Variants in MCTP1 observed in about 807,000 individuals in gnomAD.
The protein encoded by MCTP1 is multiple C2 and transmembrane domain-containing protein 1.
Under a neutral mutation model 120.6 loss-of-function variants are expected in MCTP1, and 69 were observed. That is an observed-to-expected ratio of 0.57 (90% CI 0.47 to 0.70). MCTP1 has a LOEUF of 0.70. MCTP1 is among the 30% of genes least tolerant of loss of function. The pLI, the probability that MCTP1 is intolerant of heterozygous loss-of-function variation, is 0.00. For missense variants in MCTP1, 1,203 were observed against 1,248.8 expected, an observed-to-expected ratio of 0.96 and a Z score of 0.55; for synonymous variants, 529 against 493.1, an observed-to-expected ratio of 1.07 and a Z score of -0.96.
chr5:95,094,827 G>T (rs1756105146), intron 1 of MCTP1, among the ~76,000 whole-genome samples: 1 of 151,764 alleles, frequency 6.6e-6, no homozygotes, highest in Non-Finnish European at 1.5e-5. Flanking sequence ...AGAATTTCAA[G>T]ATTTTCTGTT....
intron 2 of MCTP1, among the ~76,000 whole-genome samples, chr5:94,998,288 C>T (rs1832991634): frequency 6.6e-6 from 1 of 152,094 alleles, no homozygotes; most frequent in African/African-American, 2.4e-5. Flanking sequence ...AACATTGTAT[C>T]CCTGGCTAAC....
At chr5:94,721,281 T>C (rs1760825520) in intron 19 of MCTP1, among the ~76,000 whole-genome samples, 1 of 152,020 alleles carries the variant, frequency 6.6e-6, no homozygotes, top group Non-Finnish European at 1.5e-5. Context: ...TAAATGCAGG[T>C]AAGCAAATAT....
chr5:95,251,212 G>A (rs931759743), intron 1 of MCTP1, among the ~76,000 whole-genome samples: 2 of 152,108 alleles, frequency 1.3e-5, no homozygotes, highest in Admixed American at 1.3e-4. Context: ...CAATAGAAAG[G>A]GGCCAGCAAT....
intron 1 of MCTP1, among the ~76,000 whole-genome samples, chr5:95,267,029 C>T (rs142679945): frequency 3.3e-4 from 51 of 152,268 alleles, no homozygotes; most frequent in African/African-American, 1.2e-3. Context: ...GAGAACATTG[C>T]TGCAAATCTG....
At chr5:95,147,175 C>G (rs1380803867) in intron 1 of MCTP1, among the ~76,000 whole-genome samples, 4 of 152,148 alleles carry the variant, frequency 2.6e-5, no homozygotes, top group African/African-American at 9.7e-5. Context: ...CCAGCTCCGC[C>G]TCCTGGGTTC....
intron 1 of MCTP1, among the ~76,000 whole-genome samples, chr5:95,046,344 A>G (rs1843141706): frequency 6.6e-6 from 1 of 152,202 alleles, no homozygotes; most frequent in Admixed American, 6.5e-5. Flanking sequence ...TGAAATCTGT[A>G]TCAGCTCTAA....
intron 19 of MCTP1, 144 bp from the exon 20 acceptor site, chr5:94,715,030 A>G (rs1758567982): frequency 1.7e-6 from 1 of 591,196 alleles, no homozygotes; most frequent in South Asian, 2.1e-5. Context: ...GAACCCATGA[A>G]AATATCAGGA....
chr5:95,272,027 A>T (rs1348154726), intron 1 of MCTP1, among the ~76,000 whole-genome samples: 1 of 152,144 alleles, frequency 6.6e-6, no homozygotes, highest in Non-Finnish European at 1.5e-5. Context: ...CTTTATTACT[A>T]TTAAAGTGGA....
At chr5:94,967,427 G>T (rs1403009658) in intron 2 of MCTP1, among the ~76,000 whole-genome samples, 1 of 152,168 alleles carries the variant, frequency 6.6e-6, no homozygotes, top group Non-Finnish European at 1.5e-5. Flanking sequence ...TGAAATAAGG[G>T]AGTAAATTCC....
Position 95,081,563 on chromosome 5 carries a change from G to A in MCTP1, c.721-64079C>T, listed in dbSNP as rs1044273715. 2.0e-5 allele frequency: 30 copies of A among 1,514,984 alleles called. No homozygotes were observed. In the African/African-American group the frequency reaches 2.9e-4, roughly 15 times the overall value. 93.8% of individuals were successfully genotyped at this position (1,514,984 alleles called of 1,614,324 possible). On this transcript the variant is annotated intron_variant, in intron 1 of 22. Coordinates refer to ENST00000515393, the MANE Select transcript of MCTP1 (RefSeq NM_024717.7). ...AGACTTGCTTTCTTCACTGAATACC[G>A]GCAAAAGAGGCTGTTCACCTCCAAG...
chr5:94,726,699 C>T (rs1449073670), intron 19 of MCTP1, among the ~76,000 whole-genome samples: 2 of 151,944 alleles, frequency 1.3e-5, no homozygotes, highest in South Asian at 2.1e-4. Context: ...CATATGGTTC[C>T]TCCATTTTAC....
Position 94,979,792 on chromosome 5 carries a change from C to T in MCTP1, c.839-26431G>A, listed in dbSNP as rs113501313. Reference sequence around the variant, plus strand: ...AGAGCCCCACCCTCCAACACGGACACATATTAAACCATAATAAGAGCAAGA... The same window carrying T: ...AGAGCCCCACCCTCCAACACGGACATATATTAAACCATAATAAGAGCAAGA... On this transcript the variant is annotated intron_variant, in intron 2 of 22. Coordinates refer to ENST00000515393, the MANE Select transcript of MCTP1 (RefSeq NM_024717.7). Among the ~76,000 whole-genome samples, 1,004 of 152,070 alleles carry T rather than the reference C, an allele frequency of 6.6e-3. 6 individuals carry two copies. The highest frequency in any genetic ancestry group is 0.012 in the Non-Finnish European group (824 of 67,978).
chr5:94,873,361 A>T, intron 12 of MCTP1, 120 bp from the exon 13 acceptor site: 1 of 528,374 alleles, frequency 1.9e-6, no homozygotes, highest in Admixed American at 3.7e-5. Flanking sequence ...GTGAAGTACA[A>T]TTTTAAAAAT....
At chr5:94,853,861 G>T (rs900071369) in intron 17 of MCTP1, among the ~76,000 whole-genome samples, 1 of 151,766 alleles carries the variant, frequency 6.6e-6, no homozygotes, top group African/African-American at 2.4e-5. Flanking sequence ...CCTTATTCCC[G>T]CCTCTGGATA....
At chr5:95,215,875 T>C (rs979166837) in intron 1 of MCTP1, among the ~76,000 whole-genome samples, 1 of 152,146 alleles carries the variant, frequency 6.6e-6, no homozygotes, top group Non-Finnish European at 1.5e-5. Context: ...ACAGACACTT[T>C]GACTAACATT....
intron 17 of MCTP1, among the ~76,000 whole-genome samples, chr5:94,806,509 G>A (rs1431881370): frequency 6.6e-6 from 1 of 152,180 alleles, no homozygotes; most frequent in African/African-American, 2.4e-5. Flanking sequence ...GGTTTTATGA[G>A]TCTCAGGCAG....
chr5:95,169,031 G>C (rs903561334), intron 1 of MCTP1, among the ~76,000 whole-genome samples: 1 of 151,976 alleles, frequency 6.6e-6, no homozygotes, highest in Admixed American at 6.6e-5. Context: ...ATTGGCTGTG[G>C]GTTTGTCATA....
In MCTP1 at chr5:95,181,853, C is replaced by G. The variant is rs536426538; in HGVS notation, c.720+102003G>C. Among the ~76,000 whole-genome samples, 3 of 152,280 alleles carry G rather than the reference C, an allele frequency of 2.0e-5. 1 individual carries two copies. In the South Asian group the frequency reaches 6.2e-4, roughly 32 times the overall value. On this transcript the variant is annotated intron_variant, in intron 1 of 22. Transcript: ENST00000515393. Reference sequence around the variant, plus strand: ...CTAATTGCATCACTCCTTTCACCATCCGTTAGTGATTGCTCACTGTGTTTG... The same window carrying G: ...CTAATTGCATCACTCCTTTCACCATGCGTTAGTGATTGCTCACTGTGTTTG...
intron 1 of MCTP1, among the ~76,000 whole-genome samples, chr5:95,090,555 C>T (rs533391178): frequency 3.3e-5 from 5 of 152,258 alleles, no homozygotes; most frequent in South Asian, 2.1e-4. Flanking sequence ...TGGAGTTGTG[C>T]GGCACACAGG....
Sources: allele counts gnomAD v4.1 joint callset (sites outside exome capture counted in the v4.1 genomes callset), GRCh38; gene constraint gnomAD v4.1.1; transcripts MANE v1.5; gene names NCBI Gene and HGNC (gene_info 2026-07-23, HGNC 2026-07-21).